The following TENM4 variants were observed in gnomAD, a reference collection of about 807,000 sequenced individuals.
The protein encoded by TENM4 is teneurin-4.
Under a neutral mutation model 243.3 loss-of-function variants are expected in TENM4, and 82 were observed. That is an observed-to-expected ratio of 0.34 (90% CI 0.28 to 0.40). TENM4 has a LOEUF of 0.40. Among genes scored for constraint, TENM4 ranks in the 10% least tolerant of loss-of-function variants. TENM4 has a pLI of 1.00. For synonymous variants in TENM4, 1,412 were observed against 1,456.3 expected (o/e 0.97, Z 0.69); for missense variants, 3,138 against 3,673.3 (o/e 0.85, Z 3.77).
chr11:79,014,436 G>A lies in TENM4; in HGVS notation c.493+50302C>T, dbSNP rs576637109. The A allele has an allele frequency of 2.0e-5, 3 of 152,324 alleles. No individual in the cohort carries two copies. The South Asian group carries it at 6.2e-4, about 32-fold the overall frequency. 9.4% of individuals were successfully genotyped at this position (152,324 alleles called of 1,614,324 possible). A position where few individuals can be genotyped will look rare whatever the true frequency, so the allele number is the denominator to read the frequency against. On this transcript the variant is annotated intron_variant, in intron 6 of 33. Transcript: ENST00000278550. ...TCTAATTAAGGCTCACAATGACAGT[G>A]CTATTTGTTCCAAAATGCCCTCAGA...
At chr11:78,983,236 A>G (rs1008209544) in intron 6 of TENM4, among the ~76,000 whole-genome samples, 13 of 152,346 alleles carry the variant, frequency 8.5e-5, no homozygotes, top group Admixed American at 6.5e-4. Flanking sequence ...TATTTATAGA[A>G]AGCCATGCTT....
In TENM4 at chr11:78,745,470, C is replaced by G. The variant is rs140094198; in HGVS notation, c.2757-6900G>C. Reference sequence around the variant, plus strand: ...TCTTGAAACTCCTGGCCTCAAGTGACCCACCTGCCTTGGCCTCTCAAAGTG... The same window carrying G: ...TCTTGAAACTCCTGGCCTCAAGTGAGCCACCTGCCTTGGCCTCTCAAAGTG... On this transcript the variant is annotated intron_variant, in intron 19 of 33. Coordinates refer to ENST00000278550, the MANE Select transcript of TENM4 (RefSeq NM_001098816.3). 1.7e-3 allele frequency among the ~76,000 whole-genome samples: 252 copies of G among 151,914 alleles called. 1 individual carries two copies. Among genetic ancestry groups the G allele is most frequent in the Non-Finnish European group, 2.8e-3 (191 of 67,956 alleles).
intron 3 of TENM4, among the ~76,000 whole-genome samples, chr11:79,208,924 A>G (rs1294149698): frequency 1.3e-5 from 2 of 152,186 alleles, no homozygotes; most frequent in Non-Finnish European, 2.9e-5. Context: ...TCAGCGGGTA[A>G]GTCAAGGCAG....
Position 79,117,323 on chromosome 11 carries a change from T to C in TENM4, c.-66+31387A>G, listed in dbSNP as rs906165938. On this transcript the variant is annotated intron_variant, in intron 4 of 33. Transcript: ENST00000278550. ...TTTTTGTATTCAAGGGGCATGCATCTTTCTTGGTTGGCCTACATAGGCAGG... is the reference window on the plus strand; with the variant it reads ...TTTTTGTATTCAAGGGGCATGCATCCTTCTTGGTTGGCCTACATAGGCAGG... Among the ~76,000 whole-genome samples, 15 of 152,300 alleles carry C rather than the reference T, an allele frequency of 9.8e-5. No individual in the cohort carries two copies. The East Asian group carries it at 2.9e-3, about 29-fold the overall frequency.
chr11:79,268,510 G>C (rs982730824), intron 2 of TENM4, among the ~76,000 whole-genome samples: 2 of 152,176 alleles, frequency 1.3e-5, no homozygotes, highest in African/African-American at 4.8e-5. Context: ...AAATAAGGTA[G>C]AGTCAGTCCT....
chr11:78,885,216 C>T (rs1369701828), intron 9 of TENM4, among the ~76,000 whole-genome samples: 1 of 152,192 alleles, frequency 6.6e-6, no homozygotes, highest in East Asian at 1.9e-4. Flanking sequence ...CCATTGTGTT[C>T]TGCCAACAGA....
intron 1 of TENM4, among the ~76,000 whole-genome samples, chr11:79,416,089 G>A (rs1590950500): frequency 6.6e-6 from 1 of 152,184 alleles, no homozygotes; most frequent in Non-Finnish European, 1.5e-5. Context: ...TTTCACTGCT[G>A]ATTAACATTC....
At chr11:78,993,288 A>G (rs1211646832) in intron 6 of TENM4, among the ~76,000 whole-genome samples, 1 of 152,182 alleles carries the variant, frequency 6.6e-6, no homozygotes, top group Non-Finnish European at 1.5e-5. Context: ...TTTATGAAAA[A>G]GGGGAATTTA....
chr11:79,423,035 T>C (rs1396746239), intron 1 of TENM4, among the ~76,000 whole-genome samples: 1 of 152,040 alleles, frequency 6.6e-6, no homozygotes, highest in Non-Finnish European at 1.5e-5. Context: ...CCGGACCCAA[T>C]CCCAAAGCTT....
chr11:79,126,361 T>C (rs917104733), intron 4 of TENM4, among the ~76,000 whole-genome samples: 3 of 152,244 alleles, frequency 2.0e-5, no homozygotes, highest in African/African-American at 4.8e-5. Context: ...TAATTGCTCA[T>C]CTCTGTATGT....
At chr11:79,207,470 A>G (rs1863871177) in intron 3 of TENM4, among the ~76,000 whole-genome samples, 1 of 152,200 alleles carries the variant, frequency 6.6e-6, no homozygotes, top group African/African-American at 2.4e-5. Context: ...GTGGCTAGGT[A>G]ACTTGCTTTA....
In TENM4 at chr11:79,148,693, A is replaced by T; in HGVS notation, c.-66+17T>A. On this transcript the variant is annotated intron_variant, in intron 4 of 33. Transcript: ENST00000278550. ...AAATCATGAATACTCTCTGAAGTGT[A>T]AAAAAAATCAACTCACTTTTCTTTA... The T allele has an allele frequency of 1.2e-6, 1 of 863,090 alleles. No homozygotes were observed. The highest frequency in any genetic ancestry group is 1.4e-6 in the Non-Finnish European group (1 of 718,598). 53.5% of individuals were successfully genotyped at this position (863,090 alleles called of 1,614,324 possible). A position where few individuals can be genotyped will look rare whatever the true frequency, so the allele number is the denominator to read the frequency against.
intron 1 of TENM4, among the ~76,000 whole-genome samples, chr11:79,310,677 G>T (rs1856704433): frequency 1.3e-5 from 2 of 152,198 alleles, no homozygotes; most frequent in South Asian, 4.2e-4. Flanking sequence ...CTAGACCATG[G>T]CTTGTCCCAG....
chr11:78,843,342 T>A (rs1017984074), intron 12 of TENM4, among the ~76,000 whole-genome samples: 1 of 151,740 alleles, frequency 6.6e-6, no homozygotes, highest in Non-Finnish European at 1.5e-5. Context: ...AAAAATTTAG[T>A]CAGGTGTGGT....
At chr11:79,130,332 T>TG (rs1395204104) in intron 4 of TENM4, among the ~76,000 whole-genome samples, 8 of 152,076 alleles carry the variant, frequency 5.3e-5, no homozygotes, top group African/African-American at 1.9e-4. Flanking sequence ...CAATGATCTT[T>TG]AACACCCCCC....
At chr11:79,258,367 T>C (rs1855736398) in intron 2 of TENM4, among the ~76,000 whole-genome samples, 1 of 152,192 alleles carries the variant, frequency 6.6e-6, no homozygotes, top group Admixed American at 6.5e-5. Flanking sequence ...ATTACTTTCT[T>C]CCATTTTCCA....
chr11:79,129,356 C>A (rs866949072), intron 4 of TENM4, among the ~76,000 whole-genome samples: 1 of 152,070 alleles, frequency 6.6e-6, no homozygotes, highest in African/African-American at 2.4e-5. Flanking sequence ...ACAATTTGAA[C>A]GGGGTGAGAA....
At chr11:78,793,384 T>G (rs1375236714) in intron 15 of TENM4, among the ~76,000 whole-genome samples, 1 of 152,188 alleles carries the variant, frequency 6.6e-6, no homozygotes, top group African/African-American at 2.4e-5. Context: ...CGGGACCTCC[T>G]GGGAAGTCCT....
chr11:79,280,848 C>T (rs1395870392), intron 2 of TENM4, among the ~76,000 whole-genome samples: 1 of 152,182 alleles, frequency 6.6e-6, no homozygotes, highest in Non-Finnish European at 1.5e-5. Flanking sequence ...GTGGGCCCTG[C>T]CTGCTCCCTT....
Sources: gnomAD v4.1 joint callset for allele counts (sites outside exome capture counted in the v4.1 genomes callset) on GRCh38, gnomAD v4.1.1 for gene constraint, MANE v1.5 for transcripts, NCBI Gene and HGNC (gene_info 2026-07-23, HGNC 2026-07-21) for gene names.